Variants in PPP1R1B observed in about 807,000 individuals in gnomAD.
PPP1R1B encodes the protein protein phosphatase 1 regulatory inhibitor subunit 1B, also known as protein phosphatase 1 regulatory subunit 1B.
In PPP1R1B, 13 loss-of-function variants were observed where a neutral mutation model predicts 28.2. That is an observed-to-expected ratio of 0.46 (90% CI 0.30 to 0.73). The LOEUF (loss-of-function observed/expected upper bound fraction) is 0.73, where lower values mean the gene tolerates loss of function less well. PPP1R1B is among the 30% of genes least tolerant of loss of function. The probability of loss-of-function intolerance (pLI) is 0.07; values close to 1 mark genes in which losing one functional copy is unlikely to be tolerated. For missense variants in PPP1R1B, 236 were observed against 256.7 expected, an observed-to-expected ratio of 0.92 and a Z score of 0.55; for synonymous variants, 102 against 97.5, an observed-to-expected ratio of 1.05 and a Z score of -0.27.
At position 39,627,208 on chromosome 17, in the gene PPP1R1B, C is replaced by T. The variant is rs938477733; in HGVS notation, c.-185C>T. ...CGAGAGCCTGGGGGCGCGCCCAGCC[C>T]GGGCGCCGACCCTCCTCCCGCTCCC... is the stretch of plus-strand genomic sequence containing the variant. On this transcript the variant is annotated 5_prime_UTR_variant, in exon 1 of 7. Coordinates refer to ENST00000254079, the MANE Select transcript of PPP1R1B (RefSeq NM_032192.4). 27 of 501,280 alleles carry T rather than the reference C, an allele frequency of 5.4e-5. No individual in the cohort carries two copies. The highest frequency in any genetic ancestry group is 5.1e-4 in the African/African-American group (25 of 48,648). The allele number at this position is 501,280 out of a possible 1,614,324, so 31.1% of individuals were successfully genotyped here.
intron 5 of PPP1R1B, 100 bp from the exon 6 acceptor site, chr17:39,635,507 G>T: frequency 6.7e-7 from 1 of 1,491,726 alleles, no homozygotes; most frequent in East Asian, 2.3e-5. Context: ...TGATGCCCCT[G>T]GAAAGCTTAA....
chr17:39,634,081 A>T lies in PPP1R1B; in HGVS notation c.440A>T (p.Gln147Leu). 6.2e-7 allele frequency: 1 copy of T among 1,613,786 alleles called. No individual in the cohort carries two copies. Among genetic ancestry groups the T allele is most frequent in the Non-Finnish European group, 8.5e-7 (1 of 1,179,930 alleles). The stretch of plus-strand genomic sequence containing the variant: ...GCTGAAGTCCTGAAGGTCATCAGGC[A>T]GTCTGGTAAGCTGAGGGGCCTGTGA... ...SQAEVLKVIRQSAGQKTTCGQ... is the reference protein window; with the variant it reads ...SQAEVLKVIRLSAGQKTTCGQ... The change falls in exon 5 of 7, where the codon CAG becomes CTG. Residue 147 changes from glutamine to leucine, a missense_variant. Physicochemically the swap from Gln to Leu is moderately radical, Grantham distance 113. Coordinates refer to ENST00000254079, the MANE Select transcript of PPP1R1B (RefSeq NM_032192.4).
intron 4 of PPP1R1B, among the ~76,000 whole-genome samples, chr17:39,631,234 C>T (rs560526568): frequency 2.6e-5 from 4 of 151,620 alleles, no homozygotes; most frequent in African/African-American, 9.7e-5. Flanking sequence ...GAGCCTGTCT[C>T]GGGAAAAAAT....
At chr17:39,631,492 T>A (rs1315873802) in intron 4 of PPP1R1B, among the ~76,000 whole-genome samples, 1 of 152,164 alleles carries the variant, frequency 6.6e-6, no homozygotes, top group Non-Finnish European at 1.5e-5. Context: ...TAAGCCCTGT[T>A]GCCTACCAAC....
In PPP1R1B at chr17:39,627,198, G is replaced by C. The variant is rs542106523; in HGVS notation, c.-195G>C. 96 of 490,876 alleles carry C rather than the reference G, an allele frequency of 2.0e-4. No homozygotes were observed. The highest frequency in any genetic ancestry group is 1.9e-3 in the African/African-American group (91 of 48,420). 30.4% of individuals were successfully genotyped at this position (490,876 alleles called of 1,614,324 possible). ...CCCCGAGTCCCGAGAGCCTGGGGGC[G>C]CGCCCAGCCCGGGCGCCGACCCTCC... On this transcript the variant is annotated 5_prime_UTR_variant, in exon 1 of 7. Transcript: ENST00000254079.
In PPP1R1B at chr17:39,635,822, G is replaced by C. The variant is rs1210795207; in HGVS notation, c.572G>C (p.Gly191Ala). Residue 191 changes from glycine (G) to alanine (A), a missense_variant, in exon 7 of 7, where the codon GGG (glycine) becomes GCG (alanine). Gly to Ala is a moderately conservative substitution (Grantham distance 60). Coordinates refer to ENST00000254079, the MANE Select transcript of PPP1R1B (RefSeq NM_032192.4). ...CTCTCTGCTTGCCTTTCAGAGCCTG[G>C]GGAGGAACCTCAGCGCCCTTCCCCC... is the stretch of plus-strand genomic sequence containing the variant. ...QVEDPALSEP[G>A]EEPQRPSPSE... 1 of 1,613,842 alleles carries C rather than the reference G, an allele frequency of 6.2e-7. No individual in the cohort carries two copies. Among genetic ancestry groups the C allele is most frequent in the African/African-American group, 1.3e-5 (1 of 74,912 alleles).
chr17:39,630,179 C>A, intron 4 of PPP1R1B, 132 bp downstream of exon 4: 1 of 874,202 alleles, frequency 1.1e-6, no homozygotes, highest in Non-Finnish European at 1.8e-6. Flanking sequence ...GCGCAACAAC[C>A]CAACGTAAAG....
intron 4 of PPP1R1B, among the ~76,000 whole-genome samples, chr17:39,630,796 G>A (rs1052399101): frequency 7.9e-5 from 12 of 152,074 alleles, no homozygotes; most frequent in African/African-American, 1.4e-4. Flanking sequence ...CGGGCCGGGC[G>A]CAGTGACTCA....
chr17:39,634,584 G>T (rs536998762), intron 5 of PPP1R1B, among the ~76,000 whole-genome samples: 11 of 152,296 alleles, frequency 7.2e-5, no homozygotes, highest in Admixed American at 7.2e-4. Context: ...GAGTGGGAGG[G>T]TGCCCTCTAG....
chr17:39,635,118 C>T (rs2056907348), intron 5 of PPP1R1B, among the ~76,000 whole-genome samples: 1 of 152,178 alleles, frequency 6.6e-6, no homozygotes, highest in Non-Finnish European at 1.5e-5. Flanking sequence ...ATCCCCTGAA[C>T]CTGGGAGGTG....
Position 39,636,447 on chromosome 17 carries a change from C to T in PPP1R1B, c.*582C>T, listed in dbSNP as rs940456996. The stretch of plus-strand genomic sequence containing the variant: ...TGCCTGGAAGATGGACTGGCAGAGA[C>T]CTCTTTGTTGCGTTTTGTGCTTTGA... On this transcript the variant is annotated 3_prime_UTR_variant, in exon 7 of 7. Transcript: ENST00000254079. The T allele has an allele frequency of 7.8e-5, 12 of 153,190 alleles. No homozygotes were observed. The highest frequency in any genetic ancestry group is 2.9e-4 in the African/African-American group (12 of 41,556). 9.5% of individuals were successfully genotyped at this position (153,190 alleles called of 1,614,324 possible).
intron 1 of PPP1R1B, 76 bp from the exon 2 acceptor site, chr17:39,629,094 T>C (rs549259986): frequency 4.2e-6 from 6 of 1,441,414 alleles, no homozygotes; most frequent in Non-Finnish European, 4.9e-6. Context: ...TCCAAAGCAC[T>C]GTTTGTTCCC....
At chr17:39,632,054 T>G (rs1354747347) in intron 4 of PPP1R1B, 2 of 152,354 alleles carry the variant, frequency 1.3e-5, no homozygotes, top group Non-Finnish European at 2.9e-5. Context: ...GTGCACCCCC[T>G]CAACTGCCCC....
At chr17:39,633,844 C>T (rs2056896046) in intron 4 of PPP1R1B, 39 bp from the exon 5 acceptor site, 2 of 1,610,724 alleles carry the variant, frequency 1.2e-6, no homozygotes, top group African/African-American at 2.7e-5. Context: ...TGGGCTGTGT[C>T]TAGCTGACCC....
In PPP1R1B at chr17:39,633,892, G is replaced by A. The variant is rs139360619; in HGVS notation, c.251G>A (p.Arg84His). ...GTCTCCTCTGTGCCAGCTGTGCAGCGCATTGCTGAGTCTCACCTGCAGTCT... is the reference window on the plus strand; with the variant it reads ...GTCTCCTCTGTGCCAGCTGTGCAGCACATTGCTGAGTCTCACCTGCAGTCT... ...YTPPSLKAVQ[R>H]IAESHLQSIS... The change falls in exon 5 of 7, where the codon CGC becomes CAC. Residue 84 changes from arginine (R) to histidine (H), a missense_variant. Coordinates refer to ENST00000254079, the MANE Select transcript of PPP1R1B (RefSeq NM_032192.4). 2.0e-5 allele frequency: 32 copies of A among 1,613,514 alleles called. 1 individual carries two copies. Among genetic ancestry groups the A allele is most frequent in the South Asian group, 9.9e-5 (9 of 91,040 alleles).
At chr17:39,631,286 A>G (rs769796880) in intron 4 of PPP1R1B, among the ~76,000 whole-genome samples, 6 of 152,218 alleles carry the variant, frequency 3.9e-5, no homozygotes, top group Non-Finnish European at 8.8e-5. Flanking sequence ...AAGATGTTTA[A>G]GCTTGGATTT....
intron 1 of PPP1R1B, chr17:39,628,611 C>T: frequency 1.0e-6 from 1 of 986,572 alleles, no homozygotes; most frequent in Non-Finnish European, 1.2e-6. Flanking sequence ...GGTCCCTGAG[C>T]CTCAGCTGGA....
At chr17:39,630,410 G>A (rs762625922) in intron 4 of PPP1R1B, 1 of 308,888 alleles carries the variant, frequency 3.2e-6, no homozygotes, top group South Asian at 3.7e-5. Flanking sequence ...GCCTTCTCCT[G>A]TGGGCTTCAC....
At chr17:39,630,257 C>T (rs984967665) in intron 4 of PPP1R1B, 3 of 564,056 alleles carry the variant, frequency 5.3e-6, no homozygotes, top group African/African-American at 3.8e-5. Context: ...CAGCTATGGG[C>T]CTTAACATCG....
Sources: allele counts gnomAD v4.1 joint callset (sites outside exome capture counted in the v4.1 genomes callset), GRCh38; gene constraint gnomAD v4.1.1; transcripts MANE v1.5; gene names NCBI Gene and HGNC (gene_info 2026-07-23, HGNC 2026-07-21).